Variants in ROBO2 observed in about 807,000 individuals in gnomAD.
The protein encoded by ROBO2 is roundabout guidance receptor 2.
ROBO2 carries 53 observed loss-of-function variants against 160.8 expected under a neutral mutation model. That is an observed-to-expected ratio of 0.33 (90% CI 0.26 to 0.41). The LOEUF is 0.41. ROBO2 is among the 10% of genes least tolerant of loss of function. ROBO2 has a pLI of 1.00. For missense variants in ROBO2, 1,577 were observed against 1,722.4 expected, an observed-to-expected ratio of 0.92 and a Z score of 1.49; for synonymous variants, 664 against 611.7, an observed-to-expected ratio of 1.09 and a Z score of -1.26.
At chr3:76,808,866 G>A (rs1172652963) in intron 2 of ROBO2, among the ~76,000 whole-genome samples, 2 of 151,890 alleles carry the variant, frequency 1.3e-5, no homozygotes, top group East Asian at 3.9e-4. Context: ...CAAAGTGTGT[G>A]GTAGGAAAAT....
chr3:76,779,365 T>A (rs538314462), intron 2 of ROBO2, among the ~76,000 whole-genome samples: 2 of 151,134 alleles, frequency 1.3e-5, no homozygotes, highest in South Asian at 4.2e-4. Context: ...GTTGTAAGAA[T>A]GCAACATAAG....
intron 6 of ROBO2, among the ~76,000 whole-genome samples, chr3:77,536,927 C>T (rs1471794643): frequency 2.0e-5 from 3 of 152,008 alleles, no homozygotes; most frequent in African/African-American, 7.2e-5. Context: ...AAATGCAAGA[C>T]ATTTTGAACT....
At chr3:76,958,582 T>C (rs996229726) in intron 2 of ROBO2, among the ~76,000 whole-genome samples, 4 of 152,232 alleles carry the variant, frequency 2.6e-5, no homozygotes, top group African/African-American at 9.6e-5. Flanking sequence ...AAGATGGACA[T>C]ATTTTACTAC....
chr3:76,806,641 A>G (rs1202957075), intron 2 of ROBO2, among the ~76,000 whole-genome samples: 1 of 152,060 alleles, frequency 6.6e-6, no homozygotes, highest in East Asian at 1.9e-4. Flanking sequence ...CTCGTCATTT[A>G]AAACTATGCA....
intron 1 of ROBO2, among the ~76,000 whole-genome samples, chr3:77,078,160 A>T (rs2068212806): frequency 6.6e-6 from 1 of 152,148 alleles, no homozygotes; most frequent in Admixed American, 6.5e-5. Flanking sequence ...ATTACAACTT[A>T]CTTTGCCTTT....
chr3:76,207,317 C>G (rs1161472823), intron 2 of ROBO2, among the ~76,000 whole-genome samples: 1 of 151,978 alleles, frequency 6.6e-6, no homozygotes, highest in Non-Finnish European at 1.5e-5. Flanking sequence ...ATTCTTAAAA[C>G]AATTTTGGAG....
At chr3:76,227,244 G>A (rs148794877) in intron 2 of ROBO2, among the ~76,000 whole-genome samples, 7 of 152,250 alleles carry the variant, frequency 4.6e-5, no homozygotes, top group Admixed American at 2.6e-4. Flanking sequence ...TCGGCCTGTC[G>A]TTAGCTCTGT....
chr3:76,283,847 A>T (rs1708371293), intron 2 of ROBO2, among the ~76,000 whole-genome samples: 2 of 152,026 alleles, frequency 1.3e-5, no homozygotes, highest in African/African-American at 4.8e-5. Flanking sequence ...GAATGTTGAG[A>T]AAATTTTTCA....
intron 2 of ROBO2, among the ~76,000 whole-genome samples, chr3:77,451,483 G>T (rs2153562328): frequency 6.6e-6 from 1 of 152,160 alleles, no homozygotes; most frequent in African/African-American, 2.4e-5. Flanking sequence ...TTTAACGAAG[G>T]TCCATAGGGT....
intron 2 of ROBO2, among the ~76,000 whole-genome samples, chr3:76,845,437 A>G (rs776539550): frequency 6.6e-6 from 1 of 151,982 alleles, no homozygotes; most frequent in Non-Finnish European, 1.5e-5. Context: ...AACAATCCCA[A>G]TTATTTGTAT....
At chr3:77,421,608 T>G (rs2077720289) in intron 2 of ROBO2, among the ~76,000 whole-genome samples, 1 of 152,136 alleles carries the variant, frequency 6.6e-6, no homozygotes, top group South Asian at 2.1e-4. Flanking sequence ...TTTTGTTGGA[T>G]CACAGAGCTT....
intron 2 of ROBO2, among the ~76,000 whole-genome samples, chr3:77,316,301 G>T (rs2063982732): frequency 6.6e-6 from 1 of 151,950 alleles, no homozygotes; most frequent in African/African-American, 2.4e-5. Flanking sequence ...ACTGCGGTGG[G>T]AACAGGTCAT....
At chr3:76,907,443 C>T (rs1357486976) in intron 2 of ROBO2, among the ~76,000 whole-genome samples, 3 of 152,010 alleles carry the variant, frequency 2.0e-5, no homozygotes, top group African/African-American at 7.2e-5. Context: ...TACAGTAGAA[C>T]GAGATTGGAT....
intron 2 of ROBO2, among the ~76,000 whole-genome samples, chr3:76,098,883 A>C (rs1576849644): frequency 6.6e-6 from 1 of 152,308 alleles, no homozygotes; most frequent in Non-Finnish European, 1.5e-5. Flanking sequence ...TCTAGAGGGC[A>C]AAGTGAACAA....
At chr3:76,915,551 C>T (rs1271489494) in intron 2 of ROBO2, among the ~76,000 whole-genome samples, 2 of 151,424 alleles carry the variant, frequency 1.3e-5, no homozygotes, top group Admixed American at 1.3e-4. Flanking sequence ...GTGCCTGTAA[C>T]CCCAGCTACT....
chr3:76,965,363 T>C (rs1343057090), intron 2 of ROBO2, among the ~76,000 whole-genome samples: 1 of 152,180 alleles, frequency 6.6e-6, no homozygotes, highest in Admixed American at 6.5e-5. Flanking sequence ...CTCAGGAAAT[T>C]GGTAGTCTCT....
At chr3:77,307,550 C>A (rs937241876) in intron 2 of ROBO2, among the ~76,000 whole-genome samples, 2 of 152,094 alleles carry the variant, frequency 1.3e-5, no homozygotes, top group African/African-American at 4.8e-5. Flanking sequence ...TTCACGAAGG[C>A]CTGCCATTCT....
At chr3:77,178,083 A>G (rs1300709700) in intron 2 of ROBO2, among the ~76,000 whole-genome samples, 2 of 152,002 alleles carry the variant, frequency 1.3e-5, no homozygotes, top group Admixed American at 1.3e-4. Context: ...AGGCAAATCT[A>G]TAAACAACAT....
intron 2 of ROBO2, among the ~76,000 whole-genome samples, chr3:76,892,573 C>A (rs749070274): frequency 6.6e-6 from 1 of 152,132 alleles, no homozygotes; most frequent in Non-Finnish European, 1.5e-5. Context: ...CCTGGTCCAA[C>A]GTAACGAACA....
Sources: gnomAD v4.1 joint callset for allele counts (sites outside exome capture counted in the v4.1 genomes callset) on GRCh38, gnomAD v4.1.1 for gene constraint, MANE v1.5 for transcripts, NCBI Gene and HGNC (gene_info 2026-07-23, HGNC 2026-07-21) for gene names.